The following SOX5 variants were observed in gnomAD, a reference collection of about 807,000 sequenced individuals.
SOX5 encodes the protein transcription factor SOX-5.
Under a neutral mutation model 92.0 loss-of-function variants are expected in SOX5, and 9 were observed. The observed-to-expected ratio is 0.10, with a 90% CI of 0.06 to 0.17. The LOEUF (loss-of-function observed/expected upper bound fraction) is 0.17. Among genes scored for constraint, SOX5 ranks in the 10% least tolerant of loss-of-function variants. The probability of loss-of-function intolerance (pLI) is 1.00; values close to 1 mark genes in which losing one functional copy is unlikely to be tolerated. For synonymous variants in SOX5, 344 were observed against 336.3 expected (o/e 1.02, Z -0.25); for missense variants, 642 against 944.5 (o/e 0.68, Z 4.20).
At chr12:23,904,384 T>C (rs2097268949) in intron 1 of SOX5, among the ~76,000 whole-genome samples, 2 of 151,980 alleles carry the variant, frequency 1.3e-5, no homozygotes, top group African/African-American at 4.8e-5. Context: ...GTTCATCAGG[T>C]CCTGGCATAA....
intron 13 of SOX5, among the ~76,000 whole-genome samples, chr12:23,542,752 C>T (rs1271754101): frequency 6.6e-6 from 1 of 152,172 alleles, no homozygotes; most frequent in African/African-American, 2.4e-5. Context: ...CCCACCTCCA[C>T]CCTCACCCCC....
intron 1 of SOX5, among the ~76,000 whole-genome samples, chr12:24,500,938 A>G (rs1046165461): frequency 1.3e-5 from 2 of 152,288 alleles, no homozygotes; most frequent in African/African-American, 4.8e-5. Flanking sequence ...CTTATAATCA[A>G]TCTATAACCA....
chr12:24,496,165 T>G (rs974292226), intron 1 of SOX5, among the ~76,000 whole-genome samples: 1 of 152,158 alleles, frequency 6.6e-6, no homozygotes, highest in Non-Finnish European at 1.5e-5. Flanking sequence ...CCTTAGTAAC[T>G]ACAACTTCTG....
chr12:24,204,390 A>C (rs1183851825), intron 4 of SOX5, among the ~76,000 whole-genome samples: 2 of 151,892 alleles, frequency 1.3e-5, no homozygotes, highest in Non-Finnish European at 1.5e-5. Flanking sequence ...GTGCAGTGGC[A>C]CAATTCCGGC....
chr12:23,571,225 T>G (rs766843734), intron 10 of SOX5, among the ~76,000 whole-genome samples: 6 of 151,836 alleles, frequency 4.0e-5, no homozygotes, highest in Non-Finnish European at 8.8e-5. Flanking sequence ...ATATCCTCCT[T>G]TAAGTCATCG....
At chr12:24,014,324 CT>C (rs1196568227) in intron 4 of SOX5, among the ~76,000 whole-genome samples, 1 of 152,156 alleles carries the variant, frequency 6.6e-6, no homozygotes, top group African/African-American at 2.4e-5. Flanking sequence ...GCATACCAAC[CT>C]GTGAGAATAT....
rs79368170 is a variant in SOX5, at chr12:24,480,909, G to T, written c.-251+81420C>A. 7.8e-3 allele frequency among the ~76,000 whole-genome samples: 1,192 copies of T among 152,190 alleles called. 12 individuals are homozygous for T. The highest frequency in any genetic ancestry group is 0.026 in the African/African-American group (1,093 of 41,536). On this transcript the variant is annotated intron_variant, in intron 1 of 4. Coordinates refer to the SOX5 transcript ENST00000446891. ...ATCCAGCCATCCCACGGCTGGGTAT[G>T]TATCCAAAGGAAAGGAAATCAGTAT...
intron 3 of SOX5, among the ~76,000 whole-genome samples, chr12:23,803,404 T>C (rs1429128319): frequency 6.6e-6 from 1 of 152,190 alleles, no homozygotes; most frequent in Admixed American, 6.5e-5. Flanking sequence ...TATCTTCACA[T>C]ACCATCTGTC....
chr12:23,540,898 A>T (rs934950455), intron 13 of SOX5, among the ~76,000 whole-genome samples: 2 of 152,202 alleles, frequency 1.3e-5, no homozygotes, highest in African/African-American at 2.4e-5. Flanking sequence ...AGAGGAAAAC[A>T]TCAAGCTTTC....
intron 1 of SOX5, among the ~76,000 whole-genome samples, chr12:24,482,108 T>C (rs1341976587): frequency 6.6e-6 from 1 of 152,198 alleles, no homozygotes; most frequent in Non-Finnish European, 1.5e-5. Context: ...GTAACCATCC[T>C]ATGCAACACC....
At chr12:23,657,805 C>G (rs1016000882) in intron 7 of SOX5, among the ~76,000 whole-genome samples, 2 of 152,130 alleles carry the variant, frequency 1.3e-5, no homozygotes, top group Non-Finnish European at 2.9e-5. Flanking sequence ...CTCTTTCCAT[C>G]TTATGTTTAT....
chr12:24,268,753 A>G (rs1943331258), intron 3 of SOX5, among the ~76,000 whole-genome samples: 2 of 152,202 alleles, frequency 1.3e-5, no homozygotes, highest in Non-Finnish European at 2.9e-5. Flanking sequence ...AGTAATAACC[A>G]GGATTTTTAT....
At chr12:24,337,818 T>G (rs1024708656) in intron 2 of SOX5, among the ~76,000 whole-genome samples, 4 of 152,204 alleles carry the variant, frequency 2.6e-5, no homozygotes, top group Non-Finnish European at 4.4e-5. Flanking sequence ...AATATTATTT[T>G]TAACAGATGA....
intron 4 of SOX5, among the ~76,000 whole-genome samples, chr12:24,118,190 T>G (rs1315509620): frequency 3.9e-5 from 6 of 152,114 alleles, no homozygotes; most frequent in African/African-American, 9.7e-5. Flanking sequence ...TCTTTTGCAC[T>G]GCATGGTGAC....
At chr12:23,998,166 C>G (rs2136330003) in intron 4 of SOX5, among the ~76,000 whole-genome samples, 1 of 151,886 alleles carries the variant, frequency 6.6e-6, no homozygotes, top group East Asian at 1.9e-4. Flanking sequence ...CAATTATGTA[C>G]AAGAAATTAA....
At chr12:24,146,135 T>C (rs1951056060) in intron 4 of SOX5, among the ~76,000 whole-genome samples, 1 of 152,180 alleles carries the variant, frequency 6.6e-6, no homozygotes, top group Admixed American at 6.5e-5. Flanking sequence ...TTGACCATTT[T>C]GAACTAACTG....
At chr12:23,568,488 A>C (rs1947551694) in intron 10 of SOX5, among the ~76,000 whole-genome samples, 1 of 152,136 alleles carries the variant, frequency 6.6e-6, no homozygotes, top group Admixed American at 6.5e-5. Flanking sequence ...TGCTTGCCTC[A>C]AACCCTTCCA....
chr12:24,147,980 TC>T (rs1951245934), intron 4 of SOX5, among the ~76,000 whole-genome samples: 1 of 152,122 alleles, frequency 6.6e-6, no homozygotes, highest in Non-Finnish European at 1.5e-5. Context: ...TCCAAATCAT[TC>T]CATAGATTAT....
At chr12:24,005,500 G>A (rs1401565624) in intron 4 of SOX5, among the ~76,000 whole-genome samples, 1 of 152,038 alleles carries the variant, frequency 6.6e-6, no homozygotes, top group Non-Finnish European at 1.5e-5. Flanking sequence ...TCTCTGTCTG[G>A]CATACAGTTC....
Sources: allele counts gnomAD v4.1 joint callset (sites outside exome capture counted in the v4.1 genomes callset), GRCh38; gene constraint gnomAD v4.1.1; transcripts MANE v1.5; gene names NCBI Gene and HGNC (gene_info 2026-07-23, HGNC 2026-07-21).